The following CADM1 variants were observed in gnomAD, a reference collection of about 807,000 sequenced individuals.
CADM1 encodes the protein cell adhesion molecule 1.
CADM1 carries 15 observed loss-of-function variants against 53.1 expected under a neutral mutation model. That is an observed-to-expected ratio of 0.28 (90% CI 0.19 to 0.44). The LOEUF is 0.44. Among genes scored for constraint, CADM1 ranks in the 20% least tolerant of loss-of-function variants. The probability of loss-of-function intolerance (pLI) is 1.00; values close to 1 mark genes in which losing one functional copy is unlikely to be tolerated. For missense variants in CADM1, 434 were observed against 611.3 expected, an observed-to-expected ratio of 0.71 and a Z score of 3.06; for synonymous variants, 281 against 243.0, an observed-to-expected ratio of 1.16 and a Z score of -1.45.
intron 1 of CADM1, among the ~76,000 whole-genome samples, chr11:115,501,195 C>A (rs1478728437): frequency 6.6e-6 from 1 of 152,180 alleles, no homozygotes; most frequent in African/African-American, 2.4e-5. Flanking sequence ...TCTCCAGTGA[C>A]ACACTGTAAA....
chr11:115,464,260 G>A (rs560993965), intron 1 of CADM1, among the ~76,000 whole-genome samples: 13 of 152,302 alleles, frequency 8.5e-5, no homozygotes, highest in East Asian at 1.9e-4. Context: ...TTATAGGTGC[G>A]TGTGTATTTT....
intron 10 of CADM1, among the ~76,000 whole-genome samples, chr11:115,187,570 A>G (rs943491695): frequency 1.3e-5 from 2 of 152,096 alleles, no homozygotes; most frequent in Non-Finnish European, 2.9e-5. Flanking sequence ...GCCCCCAAGT[A>G]GCTGGGACTA....
chr11:115,244,872 C>G lies in CADM1; in HGVS notation c.125-4452G>C, dbSNP rs562688420. Among the ~76,000 whole-genome samples the G allele has an allele frequency of 1.1e-4, 16 of 152,314 alleles. No homozygotes were observed. The East Asian group carries it at 3.1e-3, about 29-fold the overall frequency. On this transcript the variant is annotated intron_variant, in intron 1 of 11. Coordinates refer to ENST00000331581, the MANE Select transcript of CADM1 (RefSeq NM_001301043.2). Reference sequence around the variant, plus strand: ...ATGTAAAAGACCTTGTTTACTACTGCTTCCTTCTTTCAGTGCTCGGCACTC... The same window carrying G: ...ATGTAAAAGACCTTGTTTACTACTGGTTCCTTCTTTCAGTGCTCGGCACTC...
At chr11:115,428,972 C>A (rs1947970146) in intron 1 of CADM1, among the ~76,000 whole-genome samples, 1 of 152,162 alleles carries the variant, frequency 6.6e-6, no homozygotes, top group Non-Finnish European at 1.5e-5. Flanking sequence ...GCAAGCCCAA[C>A]TCTCCAGAGT....
chr11:115,289,601 T>C (rs1213374354), intron 1 of CADM1, among the ~76,000 whole-genome samples: 5 of 89,286 alleles, frequency 5.6e-5, no homozygotes, highest in Non-Finnish European at 7.4e-5. Context: ...TTCTTTTTTT[T>C]TTTTTTTTTT....
chr11:115,260,508 C>T (rs1942939487), intron 1 of CADM1, among the ~76,000 whole-genome samples: 1 of 152,128 alleles, frequency 6.6e-6, no homozygotes, highest in Non-Finnish European at 1.5e-5. Context: ...GAGGCCTGGC[C>T]AGTTTTCAGA....
intron 1 of CADM1, among the ~76,000 whole-genome samples, chr11:115,265,090 T>C (rs1184224444): frequency 1.3e-5 from 2 of 152,210 alleles, no homozygotes; most frequent in African/African-American, 2.4e-5. Flanking sequence ...TCTCGAAATA[T>C]TGTTTACTGG....
chr11:115,489,133 C>A lies in CADM1; in HGVS notation c.124+15138G>T, dbSNP rs187740090. 2.2e-3 allele frequency among the ~76,000 whole-genome samples: 334 copies of A among 152,296 alleles called. 1 individual carries two copies. The highest frequency in any genetic ancestry group is 7.7e-3 in the African/African-American group (322 of 41,566). Reference sequence around the variant, plus strand: ...GCAATGACTCAAAGTCTAGGTATCCCAGGACTGTGAAGTGATTAAATAAAT... The same window carrying A: ...GCAATGACTCAAAGTCTAGGTATCCAAGGACTGTGAAGTGATTAAATAAAT... On this transcript the variant is annotated intron_variant, in intron 1 of 11. Coordinates refer to ENST00000331581, the MANE Select transcript of CADM1 (RefSeq NM_001301043.2).
At chr11:115,194,591 C>A (rs1940059137) in intron 9 of CADM1, among the ~76,000 whole-genome samples, 1 of 152,062 alleles carries the variant, frequency 6.6e-6, no homozygotes, top group African/African-American at 2.4e-5. Flanking sequence ...GATCATCAGC[C>A]TCTACTGTAT....
chr11:115,242,978 C>G (rs575090234), intron 1 of CADM1, among the ~76,000 whole-genome samples: 105 of 152,304 alleles, frequency 6.9e-4, no homozygotes, highest in African/African-American at 2.2e-3. Flanking sequence ...ATTAAGGCTA[C>G]AGAACATGTA....
At chr11:115,421,190 T>A (rs564846021) in intron 1 of CADM1, among the ~76,000 whole-genome samples, 1 of 152,186 alleles carries the variant, frequency 6.6e-6, no homozygotes, top group Non-Finnish European at 1.5e-5. Context: ...CTGGCAAAGT[T>A]TGGCAAGATC....
intron 1 of CADM1, 33 bp downstream of exon 1, chr11:115,504,237 AT>A (rs770385452): frequency 6.4e-7 from 1 of 1,562,938 alleles, no homozygotes; most frequent in Non-Finnish European, 8.7e-7. Flanking sequence ...GCCTTCGGAG[AT>A]TTAGGGGCCA....
intron 1 of CADM1, among the ~76,000 whole-genome samples, chr11:115,433,488 T>C (rs544877279): frequency 8.3e-4 from 126 of 152,252 alleles, no homozygotes; most frequent in African/African-American, 2.8e-3. Context: ...TCAGGGAGTT[T>C]TACCGAAAAC....
At chr11:115,431,863 T>A (rs1332622391) in intron 1 of CADM1, among the ~76,000 whole-genome samples, 1 of 151,970 alleles carries the variant, frequency 6.6e-6, no homozygotes. Flanking sequence ...ATGACACTTG[T>A]ATCATTTACA....
chr11:115,244,662 C>G (rs766151461), intron 1 of CADM1, among the ~76,000 whole-genome samples: 2 of 152,228 alleles, frequency 1.3e-5, no homozygotes, highest in Non-Finnish European at 2.9e-5. Context: ...CCGGCCCACA[C>G]AGCTTGCACT....
intron 1 of CADM1, among the ~76,000 whole-genome samples, chr11:115,350,263 G>A (rs573843538): frequency 1.8e-4 from 28 of 152,288 alleles, no homozygotes; most frequent in Admixed American, 5.2e-4. Context: ...GAGCCACCGC[G>A]CCTGACCAGC....
Position 115,169,266 on chromosome 11 carries a change from A to G in CADM1, c.*7208T>C, listed in dbSNP as rs921592974. On this transcript the variant is annotated 3_prime_UTR_variant, in exon 12 of 12. Coordinates refer to ENST00000331581, the MANE Select transcript of CADM1 (RefSeq NM_001301043.2). ...ATAGCCTTTGTAACTGAAGCCAGAT[A>G]GAGAGAAAATTGGTGATCTTGGCTG... 2 of 138,276 alleles carry G rather than the reference A, an allele frequency of 1.4e-5. No homozygotes were observed. Among genetic ancestry groups the G allele is most frequent in the Non-Finnish European group, 3.0e-5 (2 of 67,540 alleles). 8.6% of individuals were successfully genotyped at this position (138,276 alleles called of 1,614,324 possible).
intron 1 of CADM1, among the ~76,000 whole-genome samples, chr11:115,364,324 C>T (rs978699320): frequency 6.6e-6 from 1 of 152,202 alleles, no homozygotes; most frequent in Non-Finnish European, 1.5e-5. Flanking sequence ...ATCCTTAAGT[C>T]TCCTTTATAC....
intron 1 of CADM1, among the ~76,000 whole-genome samples, chr11:115,404,352 T>A (rs370343940): frequency 0.13 from 1,947 of 14,656 alleles, 129 homozygotes; most frequent in Admixed American, 0.19. Context: ...AAAAAATATA[T>A]ATATATATAT....
Sources: gnomAD v4.1 joint callset for allele counts (sites outside exome capture counted in the v4.1 genomes callset) on GRCh38, gnomAD v4.1.1 for gene constraint, MANE v1.5 for transcripts, NCBI Gene and HGNC (gene_info 2026-07-23, HGNC 2026-07-21) for gene names.